Variants in CTNNA2 observed in about 807,000 individuals in gnomAD.
CTNNA2 encodes catenin alpha-2.
CTNNA2 carries 42 observed loss-of-function variants against 101.0 expected under a neutral mutation model. The observed-to-expected ratio is 0.42, with a 90% confidence interval of 0.32 to 0.54. CTNNA2 has a LOEUF of 0.54. Ranked by LOEUF, CTNNA2 falls within the 20% of genes least tolerant of loss-of-function variation. The pLI, the probability that CTNNA2 is intolerant of heterozygous loss-of-function variation, is 0.14. For missense variants in CTNNA2, 871 were observed against 1,223.1 expected (o/e 0.71, Z 4.29); for synonymous variants, 450 against 456.4 (o/e 0.99, Z 0.18).
chr2:80,339,891 C>A (rs1036727824), intron 7 of CTNNA2, among the ~76,000 whole-genome samples: 2 of 152,054 alleles, frequency 1.3e-5, no homozygotes, highest in African/African-American at 4.8e-5. Flanking sequence ...GCAAGTAACT[C>A]CTTTTGTGTG....
intron 7 of CTNNA2, among the ~76,000 whole-genome samples, chr2:80,310,888 A>G (rs905166944): frequency 1.3e-5 from 2 of 150,456 alleles, no homozygotes; most frequent in East Asian, 2.0e-4. Context: ...CAGGAGAATC[A>G]CTTGAACCCG....
intron 6 of CTNNA2, among the ~76,000 whole-genome samples, chr2:79,902,753 A>C (rs976500105): frequency 2.6e-5 from 4 of 151,592 alleles, no homozygotes; most frequent in African/African-American, 9.7e-5. Flanking sequence ...CAGCCTCCCA[A>C]GTTGTTGGGA....
Position 79,764,447 on chromosome 2 carries a change from A to G in CTNNA2, c.298+19865A>G, listed in dbSNP as rs116208810. Among the ~76,000 whole-genome samples, 855 of 152,332 alleles carry G rather than the reference A, an allele frequency of 5.6e-3. 9 individuals carry two copies. The highest frequency in any genetic ancestry group is 0.019 in the African/African-American group (805 of 41,588). On this transcript the variant is annotated intron_variant, in intron 3 of 18. Transcript: ENST00000402739. ...ATGTGGAAAGAATTACAACATGTGC[A>G]TATACATGGATTGAAGTCTAGTAAT...
chr2:79,225,647 TA>T (rs971571264), intron 2 of CTNNA2, among the ~76,000 whole-genome samples: 8 of 152,194 alleles, frequency 5.3e-5, no homozygotes, highest in African/African-American at 1.9e-4. Context: ...AGTCAACTGC[TA>T]GGGACATCTT....
intron 7 of CTNNA2, chr2:80,313,504 G>A: frequency 6.3e-7 from 1 of 1,581,722 alleles, no homozygotes. Context: ...TGTGGTTGAA[G>A]AGATTTTTCT....
rs1481366061 is a variant in CTNNA2 at position 80,589,330 on chromosome 2, G to A, written c.2034G>A (p.Glu678=). 1.9e-6 allele frequency: 3 copies of A among 1,613,956 alleles called. No homozygotes were observed. In the African/African-American group the frequency reaches 4.0e-5, roughly 22 times the overall value. ...CCATCATGGCGCAACTACCGCAGGAGGAGAAGGCAAAAATAGCTGAGCAGG... is the reference window on the plus strand; with the variant it reads ...CCATCATGGCGCAACTACCGCAGGAAGAGAAGGCAAAAATAGCTGAGCAGG... ...ARAIMAQLPQ[E]EKAKIAEQVE... Residue 678 remains glutamate, a synonymous_variant, in exon 15 of 19, where the codon GAG becomes GAA. Coordinates refer to ENST00000402739, the MANE Select transcript of CTNNA2 (RefSeq NM_001282597.3).
At chr2:80,158,182 A>C (rs180795575) in intron 7 of CTNNA2, among the ~76,000 whole-genome samples, 33 of 152,300 alleles carry the variant, frequency 2.2e-4, no homozygotes, top group African/African-American at 7.5e-4. Flanking sequence ...TCAGAGAGTA[A>C]GGTTGCCCCA....
chr2:80,008,341 C>T (rs1305449793), intron 7 of CTNNA2, among the ~76,000 whole-genome samples: 2 of 152,178 alleles, frequency 1.3e-5, no homozygotes, highest in African/African-American at 4.8e-5. Flanking sequence ...AACTGAACCC[C>T]TGTGGTGAGG....
Position 79,616,203 on chromosome 2 carries a change from T to C in CTNNA2, c.-5-35349T>C, listed in dbSNP as rs11904710. Among the ~76,000 whole-genome samples the C allele has an allele frequency of 6.4e-3, 976 of 152,286 alleles. 10 individuals are homozygous for C. The highest frequency in any genetic ancestry group is 0.022 in the African/African-American group (908 of 41,566). ...AAAGTAATAGGATAGGTCTAAATTA[T>C]TGGCTTGTAAGTGTATCTTTGGCAT... On this transcript the variant is annotated intron_variant, in intron 1 of 18. Transcript: ENST00000402739.
At chr2:80,508,891 C>T (rs1573076207) in intron 9 of CTNNA2, among the ~76,000 whole-genome samples, 1 of 152,178 alleles carries the variant, frequency 6.6e-6, no homozygotes, top group East Asian at 1.9e-4. Flanking sequence ...ACTAGTGATT[C>T]AATATGTACA....
intron 7 of CTNNA2, among the ~76,000 whole-genome samples, chr2:80,382,985 A>G (rs1403796157): frequency 1.3e-5 from 2 of 152,202 alleles, no homozygotes; most frequent in Non-Finnish European, 2.9e-5. Context: ...AACTACTTTT[A>G]TCTCAACTGT....
intron 9 of CTNNA2, among the ~76,000 whole-genome samples, chr2:80,437,975 C>T (rs915404304): frequency 1.3e-5 from 2 of 152,158 alleles, no homozygotes; most frequent in African/African-American, 2.4e-5. Flanking sequence ...AGCCATTGCA[C>T]TCCAGACTGG....
intron 7 of CTNNA2, among the ~76,000 whole-genome samples, chr2:79,965,913 T>A (rs560795190): frequency 7.9e-5 from 12 of 151,604 alleles, no homozygotes; most frequent in African/African-American, 2.9e-4. Context: ...CTGACAAGTT[T>A]TAATAATCAA....
intron 7 of CTNNA2, among the ~76,000 whole-genome samples, chr2:79,944,478 G>T (rs1429237567): frequency 6.6e-6 from 1 of 152,250 alleles, no homozygotes; most frequent in East Asian, 1.9e-4. Context: ...TTATACCTCA[G>T]TGAACTGTCA....
chr2:80,040,750 T>C (rs1695991960), intron 7 of CTNNA2, among the ~76,000 whole-genome samples: 1 of 152,236 alleles, frequency 6.6e-6, no homozygotes, highest in Non-Finnish European at 1.5e-5. Flanking sequence ...TACGAAGATT[T>C]TACTGTCTCA....
At chr2:79,521,294 A>G (rs1450978382) in intron 1 of CTNNA2, among the ~76,000 whole-genome samples, 1 of 151,852 alleles carries the variant, frequency 6.6e-6, no homozygotes, top group Non-Finnish European at 1.5e-5. Flanking sequence ...TCTGCTTTCT[A>G]CATTTCTCTT....
chr2:79,309,083 A>G (rs761723378), intron 2 of CTNNA2, among the ~76,000 whole-genome samples: 24 of 151,852 alleles, frequency 1.6e-4, no homozygotes, highest in Non-Finnish European at 2.5e-4. Context: ...CTCTTGGTCT[A>G]TTTCTCTCTC....
At position 79,645,264 on chromosome 2, in the gene CTNNA2, G is replaced by A. The variant is rs535353482; in HGVS notation, c.-5-6288G>A. Among the ~76,000 whole-genome samples, 11 of 152,252 alleles carry A rather than the reference G, an allele frequency of 7.2e-5. No homozygotes were observed. The East Asian group carries it at 1.9e-3, about 27-fold the overall frequency. On this transcript the variant is annotated intron_variant, in intron 1 of 18. Transcript: ENST00000402739. ...AGCCTCCCAAAGTACTGGGATTATAGACGAGAGCAATCGCACCCAGCTGAG... is the reference window on the plus strand; with the variant it reads ...AGCCTCCCAAAGTACTGGGATTATAAACGAGAGCAATCGCACCCAGCTGAG...
At chr2:79,394,921 T>C (rs1211275622) in intron 4 of CTNNA2, among the ~76,000 whole-genome samples, 4 of 152,140 alleles carry the variant, frequency 2.6e-5, no homozygotes, top group African/African-American at 9.7e-5. Flanking sequence ...CTACTGTGAA[T>C]GAGGGAAGAT....
Sources: gnomAD v4.1 joint callset for allele counts (sites outside exome capture counted in the v4.1 genomes callset) on GRCh38, gnomAD v4.1.1 for gene constraint, MANE v1.5 for transcripts, NCBI Gene and HGNC (gene_info 2026-07-23, HGNC 2026-07-21) for gene names.